The following ASAP1 variants were observed in gnomAD, a reference collection of about 807,000 sequenced individuals.
ASAP1 encodes the protein arf-GAP with SH3 domain, ANK repeat and PH domain-containing protein 1.
ASAP1 carries 43 observed loss-of-function variants against 145.2 expected under a neutral mutation model. That is an observed-to-expected ratio of 0.30 (90% confidence interval 0.23 to 0.38). The LOEUF is 0.38. Ranked by LOEUF, ASAP1 falls within the 10% of genes least tolerant of loss-of-function variation. The pLI is 1.00. For missense variants in ASAP1, 1,018 were observed against 1,355.3 expected (o/e 0.75, Z 3.91); for synonymous variants, 546 against 515.5 (o/e 1.06, Z -0.80).
chr8:130,212,486 G>A (rs550733177), intron 5 of ASAP1, among the ~76,000 whole-genome samples: 8 of 152,302 alleles, frequency 5.3e-5, no homozygotes, highest in Non-Finnish European at 1.2e-4. Flanking sequence ...GAAGAGCAAA[G>A]GCAACGGGTT....
chr8:130,079,420 G>T (rs570248050), intron 26 of ASAP1, among the ~76,000 whole-genome samples: 1 of 151,406 alleles, frequency 6.6e-6, no homozygotes, highest in East Asian at 1.9e-4. Context: ...TGTCAGCCTA[G>T]CCTAAAAAAA....
chr8:130,315,982 T>C (rs1823641586), intron 3 of ASAP1, among the ~76,000 whole-genome samples: 1 of 152,238 alleles, frequency 6.6e-6, no homozygotes, highest in African/African-American at 2.4e-5. Context: ...TCCCTTCGCC[T>C]GTGCCCTTCG....
At chr8:130,080,158 GTTT>G (rs2097475856) in intron 25 of ASAP1, among the ~76,000 whole-genome samples, 187 bp from the exon 26 acceptor site, 6 of 152,168 alleles carry the variant, frequency 3.9e-5, no homozygotes, top group Admixed American at 2.0e-4. Context: ...GGGCTTTGCG[GTTT>G]TTTATTTCTG....
chr8:130,204,115 T>C (rs1168434189), intron 5 of ASAP1, among the ~76,000 whole-genome samples: 3 of 152,160 alleles, frequency 2.0e-5, no homozygotes, highest in Non-Finnish European at 4.4e-5. Context: ...TGCGGGCTAT[T>C]GAGCGAAGCT....
chr8:130,393,020 C>CT lies in ASAP1; in HGVS notation c.59+8864dup, dbSNP rs200402833. Among the ~76,000 whole-genome samples the CT allele has an allele frequency of 3.5e-3, 471 of 133,686 alleles. 2 individuals are homozygous for CT. The highest frequency in any genetic ancestry group is 0.013 in the African/African-American group (456 of 36,466). 87.7% of individuals were successfully genotyped at this position (133,686 alleles called of 152,430 possible). A position where few individuals can be genotyped will look rare whatever the true frequency, so the allele number is the denominator to read the frequency against. On this transcript the variant is annotated intron_variant, in intron 2 of 29. Transcript: ENST00000518721. Reference sequence around the variant, plus strand: ...TTAAGTCACTTCCTCAAAAATAAACCTTTTTTTTAACATGACAGTTATATT... The same window carrying CT: ...TTAAGTCACTTCCTCAAAAATAAACCTTTTTTTTTAACATGACAGTTATATT...
At chr8:130,222,292 T>C (rs1817339650) in intron 4 of ASAP1, among the ~76,000 whole-genome samples, 1 of 152,216 alleles carries the variant, frequency 6.6e-6, no homozygotes, top group African/African-American at 2.4e-5. Flanking sequence ...CTGGGCAATA[T>C]TCACAAAACC....
At chr8:130,176,351 AG>A (rs1404279431) in intron 9 of ASAP1, among the ~76,000 whole-genome samples, 2 of 152,250 alleles carry the variant, frequency 1.3e-5, no homozygotes, top group Non-Finnish European at 2.9e-5. Context: ...AAGAGTTTTG[AG>A]GAACTGACAG....
Position 130,401,876 on chromosome 8 carries a change from A to G in ASAP1, c.59+9T>C. On this transcript the variant is annotated intron_variant, in intron 2 of 29. Coordinates refer to ENST00000518721, the MANE Select transcript of ASAP1 (RefSeq NM_018482.4). ...GTTTTCTGGACAGGATGGGCTAGAG[A>G]TCACTCACCGATTCCATAGTGAATC... 1 of 1,613,078 alleles carries G rather than the reference A, an allele frequency of 6.2e-7. No homozygotes were observed. Among genetic ancestry groups the G allele is most frequent in the Non-Finnish European group, 8.5e-7 (1 of 1,179,570 alleles).
intron 3 of ASAP1, among the ~76,000 whole-genome samples, chr8:130,303,447 T>C (rs1455861274): frequency 6.6e-6 from 1 of 152,146 alleles, no homozygotes; most frequent in Non-Finnish European, 1.5e-5. Flanking sequence ...GTCAACTAAT[T>C]GCCAGTATCC....
At chr8:130,439,982 CACA>C (rs1336816152) in intron 1 of ASAP1, among the ~76,000 whole-genome samples, 1 of 152,122 alleles carries the variant, frequency 6.6e-6, no homozygotes, top group African/African-American at 2.4e-5. Flanking sequence ...TCCTGTCTCC[CACA>C]ACAACGCCAC....
At chr8:130,078,752 T>G (rs145541098) in intron 26 of ASAP1, among the ~76,000 whole-genome samples, 1,576 of 151,268 alleles carry the variant, frequency 0.01, 13 homozygotes, top group Middle Eastern at 0.041. Context: ...GAATGTGGAG[T>G]TGGGAGAACA....
chr8:130,433,154 A>G (rs1587044785), intron 1 of ASAP1, among the ~76,000 whole-genome samples: 1 of 152,220 alleles, frequency 6.6e-6, no homozygotes, highest in Non-Finnish European at 1.5e-5. Context: ...GCTTTTCTAG[A>G]TCAGGAGTTC....
At chr8:130,057,837 C>A in intron 29 of ASAP1, 117 bp downstream of exon 29, 2 of 1,303,256 alleles carry the variant, frequency 1.5e-6, no homozygotes, top group Non-Finnish European at 2.2e-6. Context: ...ATGCAGCTGA[C>A]AGGGTCCTTG....
intron 1 of ASAP1, among the ~76,000 whole-genome samples, chr8:130,403,301 T>TTTAA (rs60441663): frequency 6.6e-6 from 1 of 150,994 alleles, no homozygotes; most frequent in Non-Finnish European, 1.5e-5. Flanking sequence ...TGTTTTTTTT[T>TTTAA]AAAAAACCCA....
chr8:130,370,612 A>G (rs1827169716), intron 2 of ASAP1, among the ~76,000 whole-genome samples: 1 of 152,272 alleles, frequency 6.6e-6, no homozygotes, highest in Non-Finnish European at 1.5e-5. Flanking sequence ...TGTTCACAGC[A>G]GCATCATTCT....
intron 3 of ASAP1, among the ~76,000 whole-genome samples, chr8:130,316,814 CT>C (rs2137605705): frequency 6.6e-6 from 1 of 152,348 alleles, no homozygotes; most frequent in African/African-American, 2.4e-5. Flanking sequence ...CGCATTTAAG[CT>C]TCTGTTTATT....
chr8:130,147,314 A>C (rs2097634197), intron 13 of ASAP1, among the ~76,000 whole-genome samples: 1 of 152,006 alleles, frequency 6.6e-6, no homozygotes, highest in South Asian at 2.1e-4. Flanking sequence ...TTGAGCACTA[A>C]TTCTGCCCTA....
At chr8:130,340,238 A>G (rs555794663) in intron 3 of ASAP1, among the ~76,000 whole-genome samples, 3 of 152,308 alleles carry the variant, frequency 2.0e-5, no homozygotes, top group African/African-American at 7.2e-5. Flanking sequence ...GGTGTCTACA[A>G]GGCAAAGGGG....
chr8:130,250,549 T>C lies in ASAP1; in HGVS notation c.187-13555A>G, dbSNP rs557514040. 3.3e-5 allele frequency among the ~76,000 whole-genome samples: 5 copies of C among 152,330 alleles called. No homozygotes were observed. In the South Asian group the frequency reaches 6.2e-4, roughly 19 times the overall value. Reference sequence around the variant, plus strand: ...ATTGGTGACTTCTCCACTTCAATTATGAGTTTAGACCCAATTGTTTATTCA... The same window carrying C: ...ATTGGTGACTTCTCCACTTCAATTACGAGTTTAGACCCAATTGTTTATTCA... On this transcript the variant is annotated intron_variant, in intron 3 of 29. Coordinates refer to ENST00000518721, the MANE Select transcript of ASAP1 (RefSeq NM_018482.4).
Sources: allele counts gnomAD v4.1 joint callset (sites outside exome capture counted in the v4.1 genomes callset), GRCh38; gene constraint gnomAD v4.1.1; transcripts MANE v1.5; gene names NCBI Gene and HGNC (gene_info 2026-07-23, HGNC 2026-07-21).